The following SLC37A2 variants were observed in gnomAD, a reference collection of about 807,000 sequenced individuals.
SLC37A2 encodes the protein glucose-6-phosphate exchanger SLC37A2.
In SLC37A2, 59 loss-of-function variants were observed where a neutral mutation model predicts 70.7. The observed-to-expected ratio is 0.83, with a 90% confidence interval of 0.68 to 1.04. The LOEUF (loss-of-function observed/expected upper bound fraction) is 1.04, where lower values mean the gene tolerates loss of function less well. Ranked by LOEUF, SLC37A2 falls within the 50% of genes least tolerant of loss-of-function variation. SLC37A2 has a pLI of 0.00. For synonymous variants in SLC37A2, 257 were observed against 262.1 expected (o/e 0.98, Z 0.19); for missense variants, 580 against 658.1 (o/e 0.88, Z 1.30).
chr11:125,067,096 G>C (rs116395660), intron 1 of SLC37A2, among the ~76,000 whole-genome samples: 4,283 of 152,044 alleles, frequency 0.028, 201 homozygotes, highest in African/African-American at 0.098. Context: ...CCTCTTGCCT[G>C]AGCCTCCTAA....
Position 125,083,948 on chromosome 11 carries a change from C to G in SLC37A2, c.1039+71C>G, listed in dbSNP as rs139179186. ...TCTTGTGGGGTGCAGGAAGAAGGGA[C>G]AGGTCCGATGGGCTATGACCTGGGT... is the stretch of plus-strand genomic sequence containing the variant. On this transcript the variant is annotated intron_variant, in intron 11 of 17. Coordinates refer to ENST00000403796, the MANE Select transcript of SLC37A2 (RefSeq NM_001145290.2). The surrounding 1 kb of genome is among the most constrained non-coding windows in gnomAD (Gnocchi z 4.6). 5.9e-4 allele frequency: 861 copies of G among 1,467,536 alleles called. 4 individuals are homozygous for G. The African/African-American group carries it at 0.01, about 17-fold the overall frequency. 90.9% of individuals were successfully genotyped at this position (1,467,536 alleles called of 1,614,324 possible).
chr11:125,071,392 G>C (rs1240083909), intron 1 of SLC37A2, among the ~76,000 whole-genome samples: 2 of 152,182 alleles, frequency 1.3e-5, no homozygotes, highest in African/African-American at 4.8e-5. Flanking sequence ...TCCGGCTGCT[G>C]ATCAGAGTCC....
At chr11:125,073,482 T>C (rs771083305) in intron 1 of SLC37A2, among the ~76,000 whole-genome samples, 15 of 152,176 alleles carry the variant, frequency 9.9e-5, no homozygotes, top group Non-Finnish European at 1.6e-4. Flanking sequence ...AACAGAGCAG[T>C]GTGGGCCGCC....
chr11:125,083,497 T>G lies in SLC37A2; in HGVS notation c.977-318T>G. ...GAAAGGGCTGGGCTGAGCTTCAGGT[T>G]GCGCTCCAGGGGAAAGGTGGCCACG... On this transcript the variant is annotated intron_variant, in intron 10 of 17. Transcript: ENST00000403796. This position sits in a 1 kb window ranked among gnomAD's most constrained non-coding sequence, Gnocchi z 4.6. The G allele has an allele frequency of 6.5e-6, 2 of 309,178 alleles. No individual in the cohort carries two copies. Among genetic ancestry groups the G allele is most frequent in the Non-Finnish European group, 1.2e-5 (2 of 162,656 alleles). 19.2% of individuals were successfully genotyped at this position (309,178 alleles called of 1,614,324 possible). A position where few individuals can be genotyped will look rare whatever the true frequency, so the allele number is the denominator to read the frequency against.
Position 125,079,684 on chromosome 11 carries a change from G to T in SLC37A2, c.451G>T (p.Val151Phe), listed in dbSNP as rs1435032783. 1 of 1,599,278 alleles carries T rather than the reference G, an allele frequency of 6.3e-7. No individual in the cohort carries two copies. The highest frequency in any genetic ancestry group is 1.7e-5 in the Admixed American group (1 of 57,658). ...HELWYFVVIQ[V>F]CNGLVQTTGW... ...CACCCTCCCTTCTCTCTCCCTGCAGGTCTGTAATGGACTCGTCCAGACCAC... is the reference window on the plus strand; with the variant it reads ...CACCCTCCCTTCTCTCTCCCTGCAGTTCTGTAATGGACTCGTCCAGACCAC... Residue 151 changes from valine to phenylalanine, a missense_variant and splice_region_variant, in exon 6 of 18, where the codon GTC becomes TTC. Coordinates refer to ENST00000403796, the MANE Select transcript of SLC37A2 (RefSeq NM_001145290.2).
Position 125,079,174 on chromosome 11 carries a change from G to C in SLC37A2, c.377G>C (p.Gly126Ala). The C allele has an allele frequency of 6.2e-7, 1 of 1,614,224 alleles. No individual in the cohort carries two copies. Among genetic ancestry groups the C allele is most frequent in the Non-Finnish European group, 8.5e-7 (1 of 1,180,034 alleles). Residue 126 changes from glycine to alanine, a missense_variant, in exon 5 of 18, where the codon GGC (glycine) becomes GCC (alanine). By Grantham distance (60) the Gly-to-Ala change is moderately conservative. Coordinates refer to ENST00000403796, the MANE Select transcript of SLC37A2 (RefSeq NM_001145290.2). Reference sequence around the variant, plus strand: ...CTCTCAGCTGGAATGCTGCTCAGTGGCCTTTTCACCTCGCTCTTTGGCCTG... The same window carrying C: ...CTCTCAGCTGGAATGCTGCTCAGTGCCCTTTTCACCTCGCTCTTTGGCCTG... ...YYLSAGMLLS[G>A]LFTSLFGLGY...
Position 125,077,622 on chromosome 11 carries a change from A to G in SLC37A2, c.314+94A>G, listed in dbSNP as rs1949103745. On this transcript the variant is annotated intron_variant, in intron 4 of 17. Coordinates refer to ENST00000403796, the MANE Select transcript of SLC37A2 (RefSeq NM_001145290.2). ...CCTGGGGGCAGCTGGGAATGAGCCC[A>G]GGGATGCTGCATGTACAATCCACCC... 3 of 958,788 alleles carry G rather than the reference A, an allele frequency of 3.1e-6. No homozygotes were observed. The Admixed American group carries it at 6.7e-5, about 21-fold the overall frequency. 59.4% of individuals were successfully genotyped at this position (958,788 alleles called of 1,614,324 possible). A position where few individuals can be genotyped will look rare whatever the true frequency, so the allele number is the denominator to read the frequency against.
intron 17 of SLC37A2, 65 bp downstream of exon 17, chr11:125,086,083 C>T: frequency 6.4e-7 from 1 of 1,560,808 alleles, no homozygotes; most frequent in Non-Finnish European, 8.8e-7. Flanking sequence ...CAGCCCAGCG[C>T]TCAGTTTCTC....
intron 17 of SLC37A2, chr11:125,086,256 C>T (rs1269313935): frequency 6.2e-7 from 1 of 1,609,164 alleles, no homozygotes; most frequent in South Asian, 1.1e-5. Context: ...AGTCCCATGA[C>T]TTTTGTGAGT....
chr11:125,086,159 T>C (rs1257493313), intron 17 of SLC37A2, 141 bp downstream of exon 17: 3 of 1,580,504 alleles, frequency 1.9e-6, no homozygotes, highest in East Asian at 4.5e-5. Flanking sequence ...TGGGTGGCCC[T>C]CACCCTGCTA....
At chr11:125,076,733 C>A (rs73625344) in intron 1 of SLC37A2, 24 bp from the exon 2 acceptor site, 2 of 1,612,132 alleles carry the variant, frequency 1.2e-6, no homozygotes, top group Non-Finnish European at 1.7e-6. Flanking sequence ...TTCCCACTAA[C>A]GCAGATGCTG....
At chr11:125,082,720 C>T (rs1171204175) in intron 10 of SLC37A2, among the ~76,000 whole-genome samples, 1 of 152,112 alleles carries the variant, frequency 6.6e-6, no homozygotes, top group Non-Finnish European at 1.5e-5. Context: ...ATCTCTCCCC[C>T]AGCCCAAGGA....
intron 4 of SLC37A2, 70 bp downstream of exon 4, chr11:125,077,598 C>A: frequency 8.4e-7 from 1 of 1,186,416 alleles, no homozygotes; most frequent in Non-Finnish European, 1.2e-6. Flanking sequence ...CTTAAGGAAC[C>A]TGGGGGCAGC....
Position 125,080,082 on chromosome 11 carries a change from T to G in SLC37A2, c.527+322T>G, listed in dbSNP as rs1341733731. ...AATTGGCTTGTGTGCAAAACAAAGT[T>G]GCTTTGGAGAAGGAGTTCTCACCCT... On this transcript the variant is annotated intron_variant, in intron 6 of 17. Transcript: ENST00000403796. The surrounding 1 kb of genome is among the most constrained non-coding windows in gnomAD (Gnocchi z 4.3). 6.6e-6 allele frequency among the ~76,000 whole-genome samples: 1 copy of G among 152,154 alleles called. No homozygotes were observed. Among genetic ancestry groups the G allele is most frequent in the African/African-American group, 2.4e-5 (1 of 41,430 alleles).
chr11:125,077,643 C>T, intron 4 of SLC37A2, 115 bp downstream of exon 4: 1 of 732,944 alleles, frequency 1.4e-6, no homozygotes, highest in Non-Finnish European at 2.2e-6. Context: ...ATGTACAATC[C>T]ACCCACAGCC....
chr11:125,087,357 A>T (rs1949230294), intron 17 of SLC37A2: 1 of 152,328 alleles, frequency 6.6e-6, no homozygotes, highest in South Asian at 2.1e-4. Context: ...CCTGTGTGTG[A>T]GGTGTGCAGT....
intron 12 of SLC37A2, 85 bp downstream of exon 12, chr11:125,084,404 T>C: frequency 7.5e-7 from 1 of 1,327,946 alleles, no homozygotes; most frequent in Non-Finnish European, 1.1e-6. Context: ...GTCCACGCGT[T>C]ACACACATTG....
chr11:125,069,987 G>A (rs1363454549), intron 1 of SLC37A2, among the ~76,000 whole-genome samples: 2 of 152,240 alleles, frequency 1.3e-5, no homozygotes, highest in Non-Finnish European at 2.9e-5. Context: ...GGGGCAGCTG[G>A]CAGCATGGGA....
At chr11:125,069,049 G>A (rs182292434) in intron 1 of SLC37A2, among the ~76,000 whole-genome samples, 5 of 152,314 alleles carry the variant, frequency 3.3e-5, no homozygotes, top group African/African-American at 1.2e-4. Flanking sequence ...GAGGTACTAC[G>A]TGTAAGGTAC....
Sources: gnomAD v4.1 joint callset for allele counts (sites outside exome capture counted in the v4.1 genomes callset) on GRCh38, gnomAD v4.1.1 for gene constraint, Gnocchi (gnomAD v3.1) non-coding constraint, MANE v1.5 for transcripts, NCBI Gene and HGNC (gene_info 2026-07-23, HGNC 2026-07-21) for gene names.